Variants in ST6GALNAC3 observed in about 807,000 individuals in gnomAD.
ST6GALNAC3 encodes the protein alpha-N-acetylgalactosaminide alpha-2,6-sialyltransferase 3.
In ST6GALNAC3, 25 loss-of-function variants were observed where a neutral mutation model predicts 32.7. That is an observed-to-expected ratio of 0.76 (90% confidence interval 0.56 to 1.07). ST6GALNAC3 has a LOEUF of 1.07. ST6GALNAC3 is among the 50% of genes least tolerant of loss of function. The pLI is 0.00. For synonymous variants in ST6GALNAC3, 129 were observed against 133.1 expected (o/e 0.97, Z 0.21); for missense variants, 355 against 382.4 (o/e 0.93, Z 0.60).
intron 2 of ST6GALNAC3, among the ~76,000 whole-genome samples, chr1:76,323,120 T>C (rs7530833): frequency 0.98 from 149,442 of 152,310 alleles, 73,383 homozygotes; most frequent in Non-Finnish European, 1. Flanking sequence ...TGAACATTTA[T>C]GAATCCCAAA....
At chr1:76,251,525 A>G (rs1657616745) in intron 1 of ST6GALNAC3, among the ~76,000 whole-genome samples, 1 of 151,912 alleles carries the variant, frequency 6.6e-6, no homozygotes, top group Non-Finnish European at 1.5e-5. Context: ...TCCTCACATC[A>G]TGGTCATCTG....
intron 1 of ST6GALNAC3, among the ~76,000 whole-genome samples, chr1:76,264,305 C>T (rs1011814223): frequency 1.1e-4 from 17 of 152,198 alleles, no homozygotes; most frequent in South Asian, 6.2e-4. Context: ...TAGTAATGAA[C>T]CTATCTGTCT....
intron 3 of ST6GALNAC3, among the ~76,000 whole-genome samples, chr1:76,526,862 C>G (rs1208106092): frequency 6.6e-6 from 1 of 151,932 alleles, no homozygotes; most frequent in Non-Finnish European, 1.5e-5. Flanking sequence ...GATGTTCGGT[C>G]TTTAATAGAC....
chr1:76,525,800 T>TATATATATATATAC, intron 3 of ST6GALNAC3, among the ~76,000 whole-genome samples: 1 of 65,244 alleles, frequency 1.5e-5, no homozygotes, highest in Non-Finnish European at 2.8e-5. Context: ...TGTATATATA[T>TATATATATATATAC]ATATATATAT....
intron 3 of ST6GALNAC3, among the ~76,000 whole-genome samples, chr1:76,614,196 T>G (rs151273288): frequency 6.6e-6 from 1 of 152,226 alleles, no homozygotes; most frequent in African/African-American, 2.4e-5. Context: ...CTGGCAAGTT[T>G]CCAGTTAGTT....
At chr1:76,434,612 ATAGAG>A (rs1039045716) in intron 3 of ST6GALNAC3, among the ~76,000 whole-genome samples, 15 of 152,276 alleles carry the variant, frequency 9.9e-5, no homozygotes, top group Admixed American at 4.6e-4. Context: ...TATTTACAGG[ATAGAG>A]TAAAGGGAGA....
chr1:76,298,987 G>A (rs1462577524), intron 1 of ST6GALNAC3, among the ~76,000 whole-genome samples: 1 of 151,994 alleles, frequency 6.6e-6, no homozygotes, highest in Non-Finnish European at 1.5e-5. Context: ...ATTTTACTCA[G>A]GAAGAAAAGG....
intron 1 of ST6GALNAC3, among the ~76,000 whole-genome samples, chr1:76,215,086 AG>A (rs1655380095): frequency 6.6e-6 from 1 of 152,236 alleles, no homozygotes; most frequent in African/African-American, 2.4e-5. Context: ...ACATTTAGCT[AG>A]CCAGTGCTTC....
At chr1:76,074,987 CTT>C (rs1166758575) in intron 1 of ST6GALNAC3, 103 bp downstream of exon 1, 75 of 1,421,366 alleles carry the variant, frequency 5.3e-5, no homozygotes, top group Non-Finnish European at 6.7e-5. Context: ...TCTCAGTTGT[CTT>C]TTCCTGGCAT....
chr1:76,208,728 T>C (rs200656823), intron 1 of ST6GALNAC3, among the ~76,000 whole-genome samples: 10 of 151,840 alleles, frequency 6.6e-5, no homozygotes, highest in Admixed American at 1.3e-4. Flanking sequence ...ATTATTGCTT[T>C]AAAAAAAATC....
chr1:76,552,866 G>A (rs1220560403), intron 3 of ST6GALNAC3, among the ~76,000 whole-genome samples: 4 of 151,892 alleles, frequency 2.6e-5, no homozygotes, highest in Non-Finnish European at 5.9e-5. Context: ...TCTTGCTATC[G>A]GTTTTTGGTA....
chr1:76,560,807 G>C (rs551434716), intron 3 of ST6GALNAC3, among the ~76,000 whole-genome samples: 1 of 152,232 alleles, frequency 6.6e-6, no homozygotes, highest in Non-Finnish European at 1.5e-5. Flanking sequence ...TAGAGTTACT[G>C]TATGATCCAG....
intron 1 of ST6GALNAC3, among the ~76,000 whole-genome samples, chr1:76,157,399 T>C (rs1020630664): frequency 4.6e-5 from 7 of 152,214 alleles, no homozygotes; most frequent in Non-Finnish European, 1.0e-4. Context: ...AGTTGTTCAA[T>C]TCCAGTATAC....
At chr1:76,183,851 A>AATATAT (rs71071991) in intron 1 of ST6GALNAC3, among the ~76,000 whole-genome samples, 3,644 of 118,522 alleles carry the variant, frequency 0.031, 132 homozygotes, top group Non-Finnish European at 0.043. Context: ...GTAGTGCATG[A>AATATAT]ATATATATAT....
At chr1:76,203,976 A>G (rs1654679686) in intron 1 of ST6GALNAC3, among the ~76,000 whole-genome samples, 1 of 152,110 alleles carries the variant, frequency 6.6e-6, no homozygotes, top group Admixed American at 6.5e-5. Flanking sequence ...ACTAGCTTTT[A>G]TTTTTTCTAT....
intron 3 of ST6GALNAC3, among the ~76,000 whole-genome samples, chr1:76,532,019 C>T (rs1365889712): frequency 3.3e-5 from 5 of 152,170 alleles, no homozygotes; most frequent in African/African-American, 1.2e-4. Flanking sequence ...AGCAGGGATA[C>T]TGGGATAGCT....
At chr1:76,430,888 G>T (rs987038548) in intron 3 of ST6GALNAC3, among the ~76,000 whole-genome samples, 2 of 152,172 alleles carry the variant, frequency 1.3e-5, no homozygotes, top group African/African-American at 4.8e-5. Context: ...TCTGCCTGGA[G>T]CTGATTTCAT....
chr1:76,289,887 A>G (rs1266505120), intron 1 of ST6GALNAC3, among the ~76,000 whole-genome samples: 1 of 152,180 alleles, frequency 6.6e-6, no homozygotes, highest in Non-Finnish European at 1.5e-5. Context: ...CATGAAGGGA[A>G]CAGAGGGAGG....
At chr1:76,554,854 T>C (rs527767005) in intron 3 of ST6GALNAC3, among the ~76,000 whole-genome samples, 114 of 152,282 alleles carry the variant, frequency 7.5e-4, no homozygotes, top group African/African-American at 2.5e-3. Flanking sequence ...CCTGAGCAGA[T>C]AGTACATGCA....
Sources: allele counts gnomAD v4.1 joint callset (sites outside exome capture counted in the v4.1 genomes callset), GRCh38; gene constraint gnomAD v4.1.1; transcripts MANE v1.5; gene names NCBI Gene and HGNC (gene_info 2026-07-23, HGNC 2026-07-21).